The following FOXN3 variants were observed in gnomAD, a reference collection of about 807,000 sequenced individuals.
FOXN3 encodes the protein forkhead box N3.
Under a neutral mutation model 38.4 loss-of-function variants are expected in FOXN3, and 7 were observed. The observed-to-expected ratio is 0.18, with a 90% CI of 0.10 to 0.34. The LOEUF is 0.34. Ranked by LOEUF, FOXN3 falls within the 10% of genes least tolerant of loss-of-function variation. FOXN3 has a pLI of 1.00. For synonymous variants in FOXN3, 230 were observed against 242.2 expected (o/e 0.95, Z 0.47); for missense variants, 456 against 613.4 (o/e 0.74, Z 2.71).
intron 1 of FOXN3, among the ~76,000 whole-genome samples, chr14:89,504,940 T>G (rs1893880275): frequency 6.6e-6 from 1 of 152,170 alleles, no homozygotes; most frequent in Non-Finnish European, 1.5e-5. Context: ...GAGCTTGTAA[T>G]GAGTACTTTC....
At chr14:89,350,915 T>C in intron 2 of FOXN3, 107 bp from the exon 3 acceptor site, 1 of 843,196 alleles carries the variant, frequency 1.2e-6, no homozygotes, top group Non-Finnish European at 1.7e-6. Flanking sequence ...AAGCTTCTCA[T>C]TTGTTGACTG....
At chr14:89,536,570 A>G (rs12883926) in intron 1 of FOXN3, among the ~76,000 whole-genome samples, 122,999 of 151,918 alleles carry the variant, frequency 0.81, 50,011 homozygotes, top group African/African-American at 0.84. Context: ...TCACGAGGTC[A>G]GGAGTTCAAG....
At chr14:89,550,730 C>T (rs61017105) in intron 1 of FOXN3, among the ~76,000 whole-genome samples, 5,313 of 152,254 alleles carry the variant, frequency 0.035, 304 homozygotes, top group African/African-American at 0.12. Context: ...CCTGAGTCCT[C>T]GGGCGACTGC....
intron 1 of FOXN3, among the ~76,000 whole-genome samples, chr14:89,444,135 A>G (rs1257323768): frequency 6.6e-6 from 1 of 151,608 alleles, no homozygotes; most frequent in Non-Finnish European, 1.5e-5. Context: ...AAGATGGGAG[A>G]GAGAGGTGGA....
At chr14:89,404,663 A>G (rs765129354) in intron 2 of FOXN3, among the ~76,000 whole-genome samples, 3 of 151,898 alleles carry the variant, frequency 2.0e-5, no homozygotes, top group African/African-American at 7.3e-5. Flanking sequence ...TAAACTCTCA[A>G]CCTTCTGAGG....
intron 4 of FOXN3, among the ~76,000 whole-genome samples, chr14:89,206,912 C>T (rs1888400631): frequency 6.6e-6 from 1 of 151,990 alleles, no homozygotes; most frequent in Non-Finnish European, 1.5e-5. Context: ...ACAGTGTGGC[C>T]ATAAAATGTT....
At chr14:89,241,969 C>T (rs1406993251) in intron 4 of FOXN3, among the ~76,000 whole-genome samples, 1 of 152,212 alleles carries the variant, frequency 6.6e-6, no homozygotes, top group African/African-American at 2.4e-5. Context: ...CCGGACAAGG[C>T]GTCAGGACCA....
At chr14:89,403,683 A>G (rs1891308979) in intron 2 of FOXN3, among the ~76,000 whole-genome samples, 1 of 152,244 alleles carries the variant, frequency 6.6e-6, no homozygotes, top group Non-Finnish European at 1.5e-5. Context: ...TGGTAGACCT[A>G]TCCAGGTGCC....
chr14:89,441,979 T>C (rs1892396643), intron 1 of FOXN3, among the ~76,000 whole-genome samples: 1 of 140,066 alleles, frequency 7.1e-6, no homozygotes, highest in South Asian at 2.2e-4. Context: ...CGGGCTGGAG[T>C]GCAATGGCAT....
intron 1 of FOXN3, among the ~76,000 whole-genome samples, chr14:89,553,790 C>T (rs1230769005): frequency 6.6e-6 from 1 of 152,136 alleles, no homozygotes; most frequent in Non-Finnish European, 1.5e-5. Flanking sequence ...AAAGCGCAGT[C>T]AGGACTTTTT....
At chr14:89,375,362 C>T (rs1890448796) in intron 2 of FOXN3, among the ~76,000 whole-genome samples, 1 of 151,916 alleles carries the variant, frequency 6.6e-6, no homozygotes. Flanking sequence ...CACAAAATAA[C>T]CTAACTAAAA....
At chr14:89,241,710 C>T (rs1344501145) in intron 4 of FOXN3, among the ~76,000 whole-genome samples, 2 of 152,192 alleles carry the variant, frequency 1.3e-5, no homozygotes, top group Admixed American at 6.5e-5. Context: ...CAGAATCCCA[C>T]GCTCCTGCCC....
intron 2 of FOXN3, among the ~76,000 whole-genome samples, chr14:89,379,827 AT>A (rs1174623399): frequency 2.6e-5 from 4 of 151,748 alleles, no homozygotes; most frequent in African/African-American, 9.7e-5. Flanking sequence ...TGTCTAGCTA[AT>A]TTTTTTATTT....
chr14:89,221,144 G>C (rs1047840817), intron 4 of FOXN3, among the ~76,000 whole-genome samples: 2 of 152,130 alleles, frequency 1.3e-5, no homozygotes, highest in Non-Finnish European at 2.9e-5. Flanking sequence ...GGGCCACTGA[G>C]AATTACCACT....
chr14:89,555,445 T>C lies in FOXN3; in HGVS notation c.-15+63583A>G, dbSNP rs143306025. On this transcript the variant is annotated intron_variant, in intron 1 of 6. Coordinates refer to the FOXN3 transcript ENST00000345097. ...GTAACAGTATTATCAACTTCACTAATTGAACAGGTAAAACCAATGTCTTGA... is the reference window on the plus strand; with the variant it reads ...GTAACAGTATTATCAACTTCACTAACTGAACAGGTAAAACCAATGTCTTGA... Among the ~76,000 whole-genome samples, 1,215 of 152,322 alleles carry C rather than the reference T, an allele frequency of 8.0e-3. 32 individuals are homozygous for C. The highest frequency in any genetic ancestry group is 0.06 in the Admixed American group (923 of 15,294).
chr14:89,359,025 G>A (rs765149869), intron 2 of FOXN3, among the ~76,000 whole-genome samples: 8 of 152,076 alleles, frequency 5.3e-5, no homozygotes, highest in South Asian at 2.1e-4. Flanking sequence ...ATCAGCTCTC[G>A]GGCCAGGTGC....
intron 2 of FOXN3, among the ~76,000 whole-genome samples, chr14:89,381,996 C>T (rs1890662379): frequency 6.6e-6 from 1 of 152,102 alleles, no homozygotes; most frequent in Non-Finnish European, 1.5e-5. Flanking sequence ...ATTGATTATC[C>T]TCTCTAGATG....
chr14:89,513,134 T>G (rs1240125684), intron 1 of FOXN3, among the ~76,000 whole-genome samples: 1 of 110,758 alleles, frequency 9.0e-6, no homozygotes, highest in African/African-American at 3.6e-5. Flanking sequence ...GGCAACAGAG[T>G]GAGATTCCAT....
rs1197234797 is a variant in FOXN3, at chr14:89,506,292, C to T, written c.-14-93802G>A. Among the ~76,000 whole-genome samples the T allele has an allele frequency of 2.4e-4, 8 of 33,412 alleles. 1 individual carries two copies. The highest frequency in any genetic ancestry group is 5.0e-4 in the Admixed American group (1 of 2,010). 21.9% of individuals were successfully genotyped at this position (33,412 alleles called of 152,430 possible). A position where few individuals can be genotyped will look rare whatever the true frequency, so the allele number is the denominator to read the frequency against. On this transcript the variant is annotated intron_variant, in intron 1 of 6. Transcript: ENST00000345097. ...GAGGGAGGTGGGGGGGTCAGCCCCC[C>T]GCCCGGCCAGCCGCCCCGTCCGGGA...
Sources: allele counts gnomAD v4.1 joint callset (sites outside exome capture counted in the v4.1 genomes callset), GRCh38; gene constraint gnomAD v4.1.1; transcripts MANE v1.5; gene names NCBI Gene and HGNC (gene_info 2026-07-23, HGNC 2026-07-21).